Variants in IL1RAPL2 observed in about 807,000 individuals in gnomAD.
IL1RAPL2 encodes X-linked interleukin-1 receptor accessory protein-like 2.
Under a neutral mutation model 44.1 loss-of-function variants are expected in IL1RAPL2, and 3 were observed. That is an observed-to-expected ratio of 0.07 (90% CI 0.03 to 0.18). The LOEUF (loss-of-function observed/expected upper bound fraction) is 0.18, where lower values mean the gene tolerates loss of function less well. Ranked by LOEUF, IL1RAPL2 falls within the 10% of genes least tolerant of loss-of-function variation. The probability of loss-of-function intolerance (pLI) is 1.00; values close to 1 mark genes in which losing one functional copy is unlikely to be tolerated. For missense variants in IL1RAPL2, 391 were observed against 496.4 expected, an observed-to-expected ratio of 0.79 and a Z score of 2.02; for synonymous variants, 181 against 178.8, an observed-to-expected ratio of 1.01 and a Z score of -0.10.
chrX:104,648,748 C>A (rs1380608482), intron 1 of IL1RAPL2, among the ~76,000 whole-genome samples: 1 of 111,559 alleles, frequency 9.0e-6, no homozygotes, highest in Non-Finnish European at 1.9e-5. Context: ...ATGGTCAGAA[C>A]TCAAGATTAT....
intron 2 of IL1RAPL2, among the ~76,000 whole-genome samples, chrX:104,870,371 T>C (rs904182893): frequency 1.8e-5 from 2 of 112,500 alleles, no homozygotes; most frequent in African/African-American, 6.4e-5. Context: ...CATATTCCTA[T>C]ATTTAACTAT....
chrX:104,918,897 T>C (rs1290183799), intron 2 of IL1RAPL2, among the ~76,000 whole-genome samples: 2 of 111,712 alleles, frequency 1.8e-5, no homozygotes, highest in African/African-American at 6.5e-5. Flanking sequence ...AGATAGCCTA[T>C]GGAGCTCCTC....
At chrX:105,701,722 A>G (rs970611980) in intron 6 of IL1RAPL2, among the ~76,000 whole-genome samples, 6 of 112,143 alleles carry the variant, frequency 5.4e-5, no homozygotes, top group Non-Finnish European at 7.5e-5. Flanking sequence ...TTTTAAGAGC[A>G]TCTTCATAGA....
intron 2 of IL1RAPL2, among the ~76,000 whole-genome samples, chrX:104,978,586 T>A (rs1375330785): frequency 1.8e-5 from 2 of 111,526 alleles, no homozygotes; most frequent in South Asian, 3.7e-4. Flanking sequence ...TGCAATTAGA[T>A]GAAAGAAAGA....
At chrX:105,509,371 G>A (rs1020629755) in intron 6 of IL1RAPL2, among the ~76,000 whole-genome samples, 21 of 111,385 alleles carry the variant, frequency 1.9e-4, no homozygotes, top group African/African-American at 6.8e-4. Flanking sequence ...GGCCAATAAG[G>A]CCAATATTAC....
intron 6 of IL1RAPL2, among the ~76,000 whole-genome samples, chrX:105,590,855 G>T (rs867616846): frequency 6.3e-4 from 64 of 102,276 alleles, no homozygotes; most frequent in African/African-American, 2.3e-3. Flanking sequence ...GTGTTTGTGT[G>T]TGTTTGTGTG....
intron 1 of IL1RAPL2, among the ~76,000 whole-genome samples, chrX:104,608,159 C>T (rs981323422): frequency 2.7e-5 from 3 of 109,800 alleles, no homozygotes; most frequent in South Asian, 4.0e-4. Flanking sequence ...TGTTTTCACT[C>T]GTAAGTGGGA....
intron 4 of IL1RAPL2, among the ~76,000 whole-genome samples, chrX:105,265,421 T>C: frequency 8.9e-6 from 1 of 112,007 alleles, no homozygotes; most frequent in Admixed American, 9.5e-5. Flanking sequence ...TCAGACTTTC[T>C]TCTTCATTTT....
At chrX:105,536,989 T>A (rs985321646) in intron 6 of IL1RAPL2, among the ~76,000 whole-genome samples, 13 of 111,824 alleles carry the variant, frequency 1.2e-4, no homozygotes, top group African/African-American at 4.2e-4. Context: ...TTAGCCCTTT[T>A]ATGATACACG....
At chrX:104,688,634 T>A (rs1315259704) in intron 2 of IL1RAPL2, among the ~76,000 whole-genome samples, 3 of 111,586 alleles carry the variant, frequency 2.7e-5, no homozygotes, top group Non-Finnish European at 3.8e-5. Context: ...TGATTTAATA[T>A]TTTTCATATA....
chrX:104,775,075 A>C (rs1467109686), intron 2 of IL1RAPL2, among the ~76,000 whole-genome samples: 1 of 112,645 alleles, frequency 8.9e-6, no homozygotes, highest in Non-Finnish European at 1.9e-5. Flanking sequence ...TGGAGGAAGA[A>C]GACCTCTGCC....
intron 2 of IL1RAPL2, among the ~76,000 whole-genome samples, chrX:104,691,569 T>A (rs1931092872): frequency 8.9e-6 from 1 of 112,357 alleles, no homozygotes; most frequent in Non-Finnish European, 1.9e-5. Flanking sequence ...AGTTTTGACC[T>A]TAATAAGACA....
chrX:105,628,075 A>C (rs896558268), intron 6 of IL1RAPL2, among the ~76,000 whole-genome samples: 1 of 111,661 alleles, frequency 9.0e-6, no homozygotes, highest in African/African-American at 3.2e-5. Context: ...CCAGGTGCTA[A>C]GTGTGCCTTT....
At chrX:105,611,339 C>T (rs1380608427) in intron 6 of IL1RAPL2, among the ~76,000 whole-genome samples, 1 of 111,432 alleles carries the variant, frequency 9.0e-6, no homozygotes, top group Non-Finnish European at 1.9e-5. Flanking sequence ...CCTAAGTATA[C>T]AGTGTTCATA....
intron 3 of IL1RAPL2, among the ~76,000 whole-genome samples, chrX:105,230,346 A>G (rs2034057202): frequency 9.0e-6 from 1 of 110,594 alleles, no homozygotes; most frequent in Admixed American, 9.8e-5. Context: ...TAGCACTTCT[A>G]ACCCAGCAGA....
At chrX:104,900,610 AG>A (rs1488422323) in intron 2 of IL1RAPL2, among the ~76,000 whole-genome samples, 1 of 112,240 alleles carries the variant, frequency 8.9e-6, no homozygotes, top group Non-Finnish European at 1.9e-5. Flanking sequence ...GGTTGAGCTC[AG>A]GTCTACCATG....
chrX:105,076,768 T>C (rs767535526), intron 2 of IL1RAPL2, among the ~76,000 whole-genome samples: 3 of 111,907 alleles, frequency 2.7e-5, no homozygotes, highest in African/African-American at 9.8e-5. Context: ...TAGTTCTTCT[T>C]GTTGAATTGA....
rs568250663 is a variant in IL1RAPL2, at chrX:105,120,753, A to G, written c.83-74722A>G. Among the ~76,000 whole-genome samples, 14 of 112,121 alleles carry G rather than the reference A, an allele frequency of 1.2e-4. No homozygotes were observed. In the South Asian group the frequency reaches 5.2e-3, roughly 42 times the overall value. On this transcript the variant is annotated intron_variant, in intron 2 of 10. Transcript: ENST00000372582. Reference sequence around the variant, plus strand: ...TTTAAATTATTTTCCAGTGATGCATACCGTGTCTATGCAGAATTGAGTGTG... The same window carrying G: ...TTTAAATTATTTTCCAGTGATGCATGCCGTGTCTATGCAGAATTGAGTGTG...
At chrX:104,915,534 T>C (rs1924393968) in intron 2 of IL1RAPL2, among the ~76,000 whole-genome samples, 1 of 111,025 alleles carries the variant, frequency 9.0e-6, no homozygotes, top group African/African-American at 3.3e-5. Context: ...TTCACTCTGA[T>C]GGTAGTTTCT....
Sources: gnomAD v4.1 joint callset for allele counts (sites outside exome capture counted in the v4.1 genomes callset) on GRCh38, gnomAD v4.1.1 for gene constraint, MANE v1.5 for transcripts, NCBI Gene and HGNC (gene_info 2026-07-23, HGNC 2026-07-21) for gene names.